Variants in EPS8L2 observed in about 807,000 individuals in gnomAD.
EPS8L2 encodes the protein EPS8 signaling adaptor L2.
A neutral mutation model predicts 99.4 loss-of-function variants in EPS8L2; 81 were observed. The observed-to-expected ratio is 0.82, with a 90% confidence interval of 0.68 to 0.98. The LOEUF (loss-of-function observed/expected upper bound fraction) is 0.98. Ranked by LOEUF, EPS8L2 falls within the 50% of genes least tolerant of loss-of-function variation. The pLI is 0.00. For missense variants in EPS8L2, 1,155 were observed against 968.8 expected (o/e 1.19, Z -2.55); for synonymous variants, 509 against 407.3 (o/e 1.25, Z -3.01).
chr11:716,133 T>C lies in EPS8L2; in HGVS notation c.166-3929T>C, dbSNP rs1862021498. ...GGTTACAGGCATGCACCACCATGCCTGGCTAATTTTTGTGTGGGGTTTTTT... is the reference window on the plus strand; with the variant it reads ...GGTTACAGGCATGCACCACCATGCCCGGCTAATTTTTGTGTGGGGTTTTTT... On this transcript the variant is annotated intron_variant, in intron 4 of 20. Transcript: ENST00000318562. Among the ~76,000 whole-genome samples the C allele has an allele frequency of 2.0e-5, 3 of 149,416 alleles. No homozygotes were observed. In the South Asian group the frequency reaches 6.4e-4, roughly 32 times the overall value.
chr11:717,139 G>C (rs1862045558), intron 4 of EPS8L2, among the ~76,000 whole-genome samples: 2 of 152,110 alleles, frequency 1.3e-5, no homozygotes, highest in Non-Finnish European at 2.9e-5. Flanking sequence ...ACCACGCCGG[G>C]CTAATTTTTG....
In EPS8L2 at chr11:726,145, C is replaced by G; in HGVS notation, c.1728C>G (p.Pro576=). 1 of 1,609,026 alleles carries G rather than the reference C, an allele frequency of 6.2e-7. No individual in the cohort carries two copies. Among genetic ancestry groups the G allele is most frequent in the Non-Finnish European group, 8.5e-7 (1 of 1,178,260 alleles). Reference sequence around the variant, plus strand: ...CCGCCAGCCCGACCCACAAGCTACCCCCAAGCTTCCCGGGGAACAAAGACG... The same window carrying G: ...CCGCCAGCCCGACCCACAAGCTACCGCCAAGCTTCCCGGGGAACAAAGACG... The part of the protein sequence containing the change: ...WGPASPTHKL[P]PSFPGNKDEL... The change falls in exon 18 of 21, where the codon CCC becomes CCG. Residue 576 remains proline (P), a synonymous_variant. Coordinates refer to ENST00000318562, the MANE Select transcript of EPS8L2 (RefSeq NM_022772.4).
At position 720,198 on chromosome 11, in the gene EPS8L2, T is replaced by A. The variant is rs1297091850; in HGVS notation, c.302T>A (p.Leu101Gln). 1.2e-6 allele frequency: 2 copies of A among 1,613,108 alleles called. No individual in the cohort carries two copies. The highest frequency in any genetic ancestry group is 3.3e-5 in the Admixed American group (2 of 60,008). ...EMLLQVNDQS[L>Q]RLLDIESQEE... is the part of the protein sequence containing the mutation. ...CTGCTGCAGGTGAACGACCAGTCGC[T>A]GCGGCTGCTGGACATCGAGTCACAG... The change falls in exon 5 of 21, where the codon CTG (leucine) becomes CAG (glutamine). Residue 101 changes from leucine (L) to glutamine (Q), a missense_variant. Coordinates refer to ENST00000318562, the MANE Select transcript of EPS8L2 (RefSeq NM_022772.4).
At chr11:710,600 C>T (rs893638616) in intron 4 of EPS8L2, 114 bp downstream of exon 4, 5 of 1,053,020 alleles carry the variant, frequency 4.7e-6, no homozygotes, top group African/African-American at 1.6e-5. Context: ...ATGGTGGTGC[C>T]GGCCTGTAGG....
At chr11:707,044 C>A (rs919825372) in intron 1 of EPS8L2, among the ~76,000 whole-genome samples, 1 of 152,000 alleles carries the variant, frequency 6.6e-6, no homozygotes, top group Non-Finnish European at 1.5e-5. Context: ...CGGACCTCTG[C>A]CCCCACCCAC....
rs778824922 is a variant in EPS8L2 at position 720,625 on chromosome 11, C to G, written c.356C>G (p.Thr119Arg). 1 of 1,599,776 alleles carries G rather than the reference C, an allele frequency of 6.3e-7. No individual in the cohort carries two copies. Among genetic ancestry groups the G allele is most frequent in the Non-Finnish European group, 8.5e-7 (1 of 1,174,872 alleles). ...QEELEDFPLP[T>R]VQRSQTVLNQ... ...GAGCTGGAAGACTTCCCGCTGCCCA[C>G]GGTGCAGCGCAGCCAGACGGTCCTC... Residue 119 changes from threonine (T) to arginine (R), a missense_variant, in exon 6 of 21, where the codon ACG (threonine) becomes AGG (arginine). Coordinates refer to ENST00000318562, the MANE Select transcript of EPS8L2 (RefSeq NM_022772.4).
At position 724,384 on chromosome 11, in the gene EPS8L2, C is replaced by T. The variant is rs940538365; in HGVS notation, c.1455-340C>T. 6.6e-6 allele frequency among the ~76,000 whole-genome samples: 1 copy of T among 152,168 alleles called. No individual in the cohort carries two copies. The highest frequency in any genetic ancestry group is 1.5e-5 in the Non-Finnish European group (1 of 68,014). ...CTGGCCAGCTGCGGGGAGCTGTGAC[C>T]CTGGCGTTTCCCAGGAACGCCCCTG... On this transcript the variant is annotated intron_variant, in intron 15 of 20. Coordinates refer to ENST00000318562, the MANE Select transcript of EPS8L2 (RefSeq NM_022772.4). The surrounding 1 kb of genome is among the most constrained non-coding windows in gnomAD (Gnocchi z 5.5).
chr11:715,045 AT>A (rs1861983655), intron 4 of EPS8L2, among the ~76,000 whole-genome samples: 2 of 152,116 alleles, frequency 1.3e-5, no homozygotes, highest in Non-Finnish European at 2.9e-5. Flanking sequence ...GATCAAGACC[AT>A]TCTGGCTAAC....
chr11:721,215 AG>A lies in EPS8L2; in HGVS notation c.700+13del. The A allele has an allele frequency of 5.2e-6, 8 of 1,528,130 alleles. No individual in the cohort carries two copies. The highest frequency in any genetic ancestry group is 7.0e-6 in the Non-Finnish European group (8 of 1,140,034). The allele number at this position is 1,528,130 out of a possible 1,614,324, so 94.7% of individuals were successfully genotyped here. A position where few individuals can be genotyped will look rare whatever the true frequency, so the allele number is the denominator to read the frequency against. On this transcript the variant is annotated intron_variant, in intron 8 of 20. Transcript: ENST00000318562. ...GCCACTCAGCGAGCCAGGTGGGCCGAGGGGCTGGAGGGGGCTCCACAGGGCT... is the reference window on the plus strand; with the variant it reads ...GCCACTCAGCGAGCCAGGTGGGCCGAGGGCTGGAGGGGGCTCCACAGGGCT...
intron 4 of EPS8L2, among the ~76,000 whole-genome samples, chr11:711,569 A>G (rs1453346201): frequency 1.3e-5 from 2 of 151,802 alleles, no homozygotes; most frequent in Non-Finnish European, 2.9e-5. Flanking sequence ...GCTGGTCTCA[A>G]ACTCCTAGGC....
Position 721,328 on chromosome 11 carries a change from G to T in EPS8L2, c.744G>T (p.Leu248=). 6.5e-7 allele frequency: 1 copy of T among 1,540,176 alleles called. No individual in the cohort carries two copies. ...CGCAGGAGGAGCCGCGGGCCGTGCT[G>T]GCTCAGAAGATAGAGAAGGAGACGG... The part of the protein sequence containing the change: ...RESQEEPRAV[L]AQKIEKETQI... Residue 248 remains leucine, a synonymous_variant, in exon 9 of 21, where the codon CTG becomes CTT. Coordinates refer to ENST00000318562, the MANE Select transcript of EPS8L2 (RefSeq NM_022772.4).
intron 7 of EPS8L2, 65 bp from the exon 8 acceptor site, chr11:720,999 C>CCCGGCAGGGAGGGGAGGAG: frequency 3.5e-6 from 5 of 1,423,692 alleles, no homozygotes; most frequent in East Asian, 5.0e-5. Flanking sequence ...AGGGGAGGAG[C>CCCGGCAGGGAGGGGAGGAG]CCGGCAGGGA....
At chr11:721,745 C>A in intron 10 of EPS8L2, 54 bp downstream of exon 10, 1 of 1,406,944 alleles carries the variant, frequency 7.1e-7, no homozygotes, top group Non-Finnish European at 9.8e-7. Context: ...CCAGCAGGTG[C>A]AGGGGACAGG....
chr11:708,559 C>A (rs947054088), intron 1 of EPS8L2: 6 of 152,292 alleles, frequency 3.9e-5, no homozygotes, highest in Admixed American at 1.3e-4. Context: ...CAGCCCCCAC[C>A]ACACCTGCCC....
At chr11:718,902 T>C (rs1234383586) in intron 4 of EPS8L2, among the ~76,000 whole-genome samples, 1 of 150,966 alleles carries the variant, frequency 6.6e-6, no homozygotes, top group Admixed American at 6.6e-5. Context: ...TCTCCTGACC[T>C]TGTGATCCAC....
chr11:721,000 C>CCGGCAGGGAGGGGAGGAGCA, intron 7 of EPS8L2, 64 bp from the exon 8 acceptor site: 1 of 1,432,966 alleles, frequency 7.0e-7, no homozygotes. Context: ...GGGGAGGAGC[C>CCGGCAGGGAGGGGAGGAGCA]CGGCAGGGAG....
At position 721,368 on chromosome 11, in the gene EPS8L2, C is replaced by T. The variant is rs1229568451; in HGVS notation, c.768+16C>T. 3 of 1,539,076 alleles carry T rather than the reference C, an allele frequency of 1.9e-6. No homozygotes were observed. The highest frequency in any genetic ancestry group is 2.4e-5 in the East Asian group (1 of 40,948). On this transcript the variant is annotated intron_variant, in intron 9 of 20. Coordinates refer to ENST00000318562, the MANE Select transcript of EPS8L2 (RefSeq NM_022772.4). ...GAAGGAGACGGTGGGTGCCCGGGCC[C>T]GGCAGGTGGCCCCTCTCTTCCCCGC... is the stretch of plus-strand genomic sequence containing the variant.
chr11:725,402 T>A (rs577180326), intron 16 of EPS8L2, among the ~76,000 whole-genome samples: 19 of 152,214 alleles, frequency 1.2e-4, no homozygotes, highest in African/African-American at 4.6e-4. Context: ...TCCCAGCTAC[T>A]CTGGAGGCTG....
Position 725,760 on chromosome 11 carries a change from GCGCAGC to G in EPS8L2, c.1600_1605del (p.Arg534_Ser535del). 7.4e-7 allele frequency: 1 copy of G among 1,348,308 alleles called. No homozygotes were observed. The highest frequency in any genetic ancestry group is 9.5e-7 in the Non-Finnish European group (1 of 1,052,946). 83.5% of individuals were successfully genotyped at this position (1,348,308 alleles called of 1,614,324 possible). On this transcript the variant is annotated inframe_deletion, in exon 17 of 21. Transcript: ENST00000318562. ...AGGACGGCCGGCAGTGGTGGAAGCT[GCGCAGC>G]CGCAGCGGCCAGGCGGGGTACGTGC... is the stretch of plus-strand genomic sequence containing the variant.
Sources: allele counts gnomAD v4.1 joint callset (sites outside exome capture counted in the v4.1 genomes callset), GRCh38; gene constraint gnomAD v4.1.1; non-coding constraint Gnocchi (gnomAD v3.1); transcripts MANE v1.5; gene names NCBI Gene and HGNC (gene_info 2026-07-23, HGNC 2026-07-21).